Variants in CACNA1A observed in about 807,000 individuals in gnomAD.
CACNA1A encodes calcium voltage-gated channel subunit alpha1 A.
CACNA1A carries 57 observed loss-of-function variants against 262.4 expected under a neutral mutation model. The ratio of observed to expected loss-of-function variants is 0.22; its 90% CI spans 0.18 to 0.27. The LOEUF is 0.27. CACNA1A is among the 10% of genes least tolerant of loss of function. The probability of loss-of-function intolerance (pLI) is 1.00; values close to 1 mark genes in which losing one functional copy is unlikely to be tolerated. For synonymous variants in CACNA1A, 1,431 were observed against 1,419.3 expected (o/e 1.01, Z -0.18); for missense variants, 2,526 against 3,562.8 (o/e 0.71, Z 7.41).
rs146095824 is a variant in CACNA1A, at chr19:13,320,237, CGAGAGAGAGAGA to C, written c.1346-2928_1346-2917del. On this transcript the variant is annotated intron_variant, in intron 10 of 46. Coordinates refer to ENST00000360228, the MANE Select transcript of CACNA1A (RefSeq NM_001127222.2). ...GGGACAGGGGGGATGTTCCACAGAT[CGAGAGAGAGAGA>C]GAGAGAGAGAGAGAGAGAGAGAGAG... Among the ~76,000 whole-genome samples, 98 of 127,246 alleles carry C rather than the reference CGAGAGAGAGAGA, an allele frequency of 7.7e-4. 3 individuals carry two copies. The highest frequency in any genetic ancestry group is 6.5e-3 in the Admixed American group (80 of 12,256). 83.5% of individuals were successfully genotyped at this position (127,246 alleles called of 152,430 possible). A position where few individuals can be genotyped will look rare whatever the true frequency, so the allele number is the denominator to read the frequency against.
intron 36 of CACNA1A, 77 bp from the exon 37 acceptor site, chr19:13,227,604 A>G: frequency 1.5e-6 from 1 of 659,064 alleles, no homozygotes; most frequent in Non-Finnish European, 2.5e-6. Flanking sequence ...GAACCAAAGG[A>G]AGAGAGGTGG....
chr19:13,231,462 G>C (rs1040646999), intron 35 of CACNA1A, among the ~76,000 whole-genome samples: 9 of 152,178 alleles, frequency 5.9e-5, no homozygotes, highest in East Asian at 1.9e-4. Flanking sequence ...AGCATCTGGT[G>C]GGGGGAGGAC....
chr19:13,488,689 C>T (rs1363064430), intron 1 of CACNA1A, among the ~76,000 whole-genome samples: 2 of 151,978 alleles, frequency 1.3e-5, no homozygotes, highest in Non-Finnish European at 2.9e-5. Context: ...CGTGAGCCAC[C>T]GTGCCCAGCC....
intron 38 of CACNA1A, among the ~76,000 whole-genome samples, chr19:13,222,315 T>G (rs1266781923): frequency 2.6e-5 from 4 of 151,872 alleles, no homozygotes; most frequent in Non-Finnish European, 5.9e-5. Context: ...GTGCTCAGAT[T>G]ACAGGCGTGA....
At chr19:13,395,162 T>C (rs973956421) in intron 3 of CACNA1A, among the ~76,000 whole-genome samples, 1 of 148,446 alleles carries the variant, frequency 6.7e-6, no homozygotes, top group Non-Finnish European at 1.5e-5. Flanking sequence ...TAGTCCCAGC[T>C]ACTTGGAAGG....
chr19:13,367,658 G>A (rs8104362), intron 4 of CACNA1A, among the ~76,000 whole-genome samples: 21,233 of 152,040 alleles, frequency 0.14, 2,230 homozygotes, highest in East Asian at 0.31. Context: ...AACCCGGGAG[G>A]TGGAGCTTGC....
At chr19:13,334,572 T>C (rs1381777577) in intron 7 of CACNA1A, 79 bp from the exon 8 acceptor site, 1 of 660,010 alleles carries the variant, frequency 1.5e-6, no homozygotes, top group African/African-American at 2.0e-5. Context: ...TGTGTGTGTG[T>C]GTGTGTGTGT....
At chr19:13,280,564 C>G (rs1159837135) in intron 22 of CACNA1A, among the ~76,000 whole-genome samples, 1 of 152,052 alleles carries the variant, frequency 6.6e-6, no homozygotes, top group African/African-American at 2.4e-5. Context: ...AGTATTCACA[C>G]TTAGAAACAA....
chr19:13,312,625 G>T (rs748146120), intron 12 of CACNA1A, 44 bp downstream of exon 12: 1 of 1,170,864 alleles, frequency 8.5e-7, no homozygotes, highest in South Asian at 1.4e-5. Context: ...TGTCATTCCA[G>T]GCAAGAGCTG....
rs369145189 is a variant in CACNA1A at position 13,366,764 on chromosome 19, G to A, written c.632-1295C>T. Among the ~76,000 whole-genome samples the A allele has an allele frequency of 6.6e-5, 10 of 152,186 alleles. No individual in the cohort carries two copies. The East Asian group carries it at 1.7e-3, about 26-fold the overall frequency. ...CTTAATTTTTTTTTTCTGCCAAGAG[G>A]CGGTGTCTTTTCCTCATTCATAAAA... On this transcript the variant is annotated intron_variant, in intron 4 of 46. Transcript: ENST00000360228.
In CACNA1A at chr19:13,286,279, T is replaced by C. The variant is rs565848041; in HGVS notation, c.3553+224A>G. 8.3e-4 allele frequency among the ~76,000 whole-genome samples: 127 copies of C among 152,268 alleles called. 1 individual carries two copies. The highest frequency in any genetic ancestry group is 3.0e-3 in the African/African-American group (123 of 41,554). On this transcript the variant is annotated intron_variant, in intron 20 of 46. Coordinates refer to ENST00000360228, the MANE Select transcript of CACNA1A (RefSeq NM_001127222.2). ...TTGGGAAGGAAGGACGTAGAAGATA[T>C]TGCTAACCCGACTGAACACAACCCC...
At chr19:13,288,864 T>C (rs1401676646) in intron 19 of CACNA1A, among the ~76,000 whole-genome samples, 1 of 152,174 alleles carries the variant, frequency 6.6e-6, no homozygotes, top group Non-Finnish European at 1.5e-5. Context: ...ACCATTCTCC[T>C]CATTTTATTT....
intron 1 of CACNA1A, among the ~76,000 whole-genome samples, chr19:13,494,228 C>T (rs1268610889): frequency 2.0e-5 from 3 of 152,162 alleles, no homozygotes; most frequent in African/African-American, 4.8e-5. Flanking sequence ...GGATGAAATA[C>T]ATTAAAATGT....
intron 4 of CACNA1A, among the ~76,000 whole-genome samples, chr19:13,370,533 C>T (rs575643695): frequency 6.6e-6 from 1 of 152,138 alleles, no homozygotes; most frequent in South Asian, 2.1e-4. Context: ...GGCTCAGATC[C>T]TCCTGCCTCA....
chr19:13,211,809 CCT>C (rs1052088207), intron 43 of CACNA1A: 10 of 378,294 alleles, frequency 2.6e-5, no homozygotes, highest in East Asian at 1.1e-4. Flanking sequence ...CACAACCTCC[CCT>C]GTCTGCAGCC....
intron 3 of CACNA1A, among the ~76,000 whole-genome samples, chr19:13,409,165 A>G (rs1298732729): frequency 6.6e-6 from 1 of 152,120 alleles, no homozygotes; most frequent in African/African-American, 2.4e-5. Context: ...ACGCTTTGGA[A>G]CTTTGCTTTC....
intron 3 of CACNA1A, among the ~76,000 whole-genome samples, chr19:13,439,547 C>T (rs975921356): frequency 7.3e-5 from 11 of 151,328 alleles, no homozygotes; most frequent in Non-Finnish European, 1.2e-4. Flanking sequence ...CTACAGGTGA[C>T]CGCCATCATG....
chr19:13,402,803 T>TATATATAC lies in CACNA1A; in HGVS notation c.540-31025_540-31024insGTATATAT, dbSNP rs1440968793. ...ACATATATATACATATATACACACA[T>TATATATAC]ATATATATACATATATACACACATA... On this transcript the variant is annotated intron_variant, in intron 3 of 46. Coordinates refer to ENST00000360228, the MANE Select transcript of CACNA1A (RefSeq NM_001127222.2). Among the ~76,000 whole-genome samples the TATATATAC allele has an allele frequency of 5.8e-3, 695 of 119,684 alleles. 7 individuals are homozygous for TATATATAC. Among genetic ancestry groups the TATATATAC allele is most frequent in the African/African-American group, 0.024 (635 of 25,994 alleles). 78.5% of individuals were successfully genotyped at this position (119,684 alleles called of 152,430 possible).
chr19:13,466,397 G>A (rs1475796733), intron 1 of CACNA1A, among the ~76,000 whole-genome samples: 2 of 151,020 alleles, frequency 1.3e-5, no homozygotes, highest in Non-Finnish European at 1.5e-5. Context: ...ATGGAGTGCA[G>A]TGGCACGATC....
Sources: gnomAD v4.1 joint callset for allele counts (sites outside exome capture counted in the v4.1 genomes callset) on GRCh38, gnomAD v4.1.1 for gene constraint, MANE v1.5 for transcripts, NCBI Gene and HGNC (gene_info 2026-07-23, HGNC 2026-07-21) for gene names.